The following ANKFY1 variants were observed in gnomAD, a reference collection of about 807,000 sequenced individuals.
ANKFY1 encodes ankyrin repeat and FYVE domain-containing protein 1.
A neutral mutation model predicts 128.3 loss-of-function variants in ANKFY1; 47 were observed. That is an observed-to-expected ratio of 0.37 (90% CI 0.29 to 0.47). The LOEUF is 0.47. Among genes scored for constraint, ANKFY1 ranks in the 20% least tolerant of loss-of-function variants. ANKFY1 has a pLI of 1.00. For synonymous variants in ANKFY1, 553 were observed against 601.6 expected (o/e 0.92, Z 1.18); for missense variants, 1,222 against 1,510.6 (o/e 0.81, Z 3.17).
At position 4,170,726 on chromosome 17, in the gene ANKFY1, A is replaced by C. The variant is rs764229912; in HGVS notation, c.3275T>G (p.Phe1092Cys). Residue 1092 changes from phenylalanine (F) to cysteine (C), a missense_variant, in exon 23 of 25, where the codon TTC becomes TGC. Physicochemically the swap from Phe to Cys is radical, Grantham distance 205. Transcript: ENST00000341657. ...NYQVATKQLL[F>C]RLLDMLSKEP... Reference sequence around the variant, plus strand: ...AGCGGGCCACTCACCCAGCAGTCGGAACAGGAGCTGCTTGGTGGCGACCTG... The same window carrying C: ...AGCGGGCCACTCACCCAGCAGTCGGCACAGGAGCTGCTTGGTGGCGACCTG... 6.2e-7 allele frequency: 1 copy of C among 1,611,486 alleles called. No individual in the cohort carries two copies. Among genetic ancestry groups the C allele is most frequent in the African/African-American group, 1.3e-5 (1 of 74,910 alleles).
At chr17:4,251,805 T>C (rs940616516) in intron 1 of ANKFY1, among the ~76,000 whole-genome samples, 3 of 151,746 alleles carry the variant, frequency 2.0e-5, no homozygotes, top group Non-Finnish European at 4.4e-5. Context: ...GAGGCCAAGG[T>C]GGATGGATCA....
At chr17:4,221,619 G>GT (rs753917439) in intron 3 of ANKFY1, among the ~76,000 whole-genome samples, 8 of 152,006 alleles carry the variant, frequency 5.3e-5, no homozygotes, top group Non-Finnish European at 8.8e-5. Flanking sequence ...GTTTCCAACT[G>GT]TTTTTTTCTT....
At chr17:4,223,065 T>C in intron 3 of ANKFY1, 1 of 732,714 alleles carries the variant, frequency 1.4e-6, no homozygotes, top group Non-Finnish European at 2.5e-6. Context: ...TGGGCATATT[T>C]TCCATGGGAT....
rs768825320 is a variant in ANKFY1, at chr17:4,167,774, G to A, written c.*5C>T. ...GGACGTGGCCTGGACCCTCCGGGGG[G>A]CTCACTAAGAAACCCCACCCAGAGT... On this transcript the variant is annotated 3_prime_UTR_variant, in exon 25 of 25. Transcript: ENST00000341657. The surrounding 1 kb of genome is among the most constrained non-coding windows in gnomAD (Gnocchi z 4.1). 3.1e-6 allele frequency: 5 copies of A among 1,612,204 alleles called. No individual in the cohort carries two copies. The highest frequency in any genetic ancestry group is 2.2e-5 in the South Asian group (2 of 90,902).
intron 3 of ANKFY1, among the ~76,000 whole-genome samples, chr17:4,230,760 A>G (rs1773530251): frequency 6.6e-6 from 1 of 152,244 alleles, no homozygotes; most frequent in Admixed American, 6.5e-5. Flanking sequence ...ATTTAAAGAT[A>G]CCTTAGTAAG....
In ANKFY1 at chr17:4,207,951, C is replaced by G; in HGVS notation, c.714G>C (p.Leu238=). The change falls in exon 6 of 25, where the codon CTG becomes CTC. Residue 238 remains leucine, a synonymous_variant. Coordinates refer to ENST00000341657, the MANE Select transcript of ANKFY1 (RefSeq NM_001330063.2). ...ACAGTACCTGGGAATCCATTTCAAT[C>G]AGATACAGGAAGACCACGTCTTCTC... ...VEREDVVFLY[L]IEMDSQLPGK... 6.3e-7 allele frequency: 1 copy of G among 1,594,476 alleles called. No homozygotes were observed. The highest frequency in any genetic ancestry group is 8.5e-7 in the Non-Finnish European group (1 of 1,172,406).
Position 4,242,401 on chromosome 17 carries a change from A to G in ANKFY1, c.58T>C (p.Tyr20His). The G allele has an allele frequency of 1.9e-6, 3 of 1,587,492 alleles. No homozygotes were observed. The highest frequency in any genetic ancestry group is 2.6e-6 in the Non-Finnish European group (3 of 1,169,466). ...GCCAGCTTCTTCTGCAGCTTGACAT[A>G]CTCCTGCCGCAGAAGCATCAAGTGC... is the stretch of plus-strand genomic sequence containing the variant. ...EKHLMLLRQE[Y>H]VKLQKKLAET... The change falls in exon 2 of 25, where the codon TAT becomes CAT. Residue 20 changes from tyrosine (Y) to histidine (H), a missense_variant. Physicochemically the swap from Tyr to His is moderately conservative, Grantham distance 83. Transcript: ENST00000341657.
In ANKFY1 at chr17:4,170,880, C is replaced by T. The variant is rs201907808; in HGVS notation, c.3140-19G>A. The T allele has an allele frequency of 7.6e-5, 122 of 1,614,086 alleles. No individual in the cohort carries two copies. The African/African-American group carries it at 8.7e-4, about 11-fold the overall frequency. On this transcript the variant is annotated intron_variant, in intron 22 of 24. Coordinates refer to ENST00000341657, the MANE Select transcript of ANKFY1 (RefSeq NM_001330063.2). ...AGCAGCACTGGAAAACAAAAGCACG[C>T]GCAGGGCTACTTCCCACCCGGCCCA...
chr17:4,209,784 C>T (rs2060093498), intron 5 of ANKFY1, 40 bp downstream of exon 5: 1 of 1,569,838 alleles, frequency 6.4e-7, no homozygotes, highest in Non-Finnish European at 8.7e-7. Flanking sequence ...CTCCTGACTG[C>T]CAGCTAGAGT....
At chr17:4,260,060 G>A (rs1378928599) in intron 1 of ANKFY1, among the ~76,000 whole-genome samples, 2 of 152,146 alleles carry the variant, frequency 1.3e-5, no homozygotes, top group African/African-American at 4.8e-5. Context: ...AATGAAAGTA[G>A]GAAATAAGCT....
chr17:4,246,264 T>G (rs1172777707), intron 1 of ANKFY1, among the ~76,000 whole-genome samples: 1 of 152,208 alleles, frequency 6.6e-6, no homozygotes, highest in Non-Finnish European at 1.5e-5. Context: ...TATTTGTTTG[T>G]AGCATACTGG....
rs1259253428 is a variant in ANKFY1, at chr17:4,170,865, G to C, written c.3140-4C>G. 1.2e-6 allele frequency: 2 copies of C among 1,614,066 alleles called. No individual in the cohort carries two copies. The highest frequency in any genetic ancestry group is 1.7e-6 in the Non-Finnish European group (2 of 1,180,044). On this transcript the variant is annotated splice_region_variant and splice_polypyrimidine_tract_variant and intron_variant, in intron 22 of 24. Coordinates refer to ENST00000341657, the MANE Select transcript of ANKFY1 (RefSeq NM_001330063.2). ...TTCATGTATGCCAGGAGCAGCACTG[G>C]AAAACAAAAGCACGCGCAGGGCTAC... is the stretch of plus-strand genomic sequence containing the variant.
intron 14 of ANKFY1, 122 bp downstream of exon 14, chr17:4,183,276 C>G: frequency 1.7e-6 from 2 of 1,171,916 alleles, no homozygotes; most frequent in Non-Finnish European, 2.4e-6. Flanking sequence ...GTTTCTAGAG[C>G]TACTGTTTCC....
At chr17:4,222,349 ATTATT>A in intron 3 of ANKFY1, 1 of 766,884 alleles carries the variant, frequency 1.3e-6, no homozygotes, top group East Asian at 2.4e-5. Flanking sequence ...AAATGACCTT[ATTATT>A]CACTACGCTC....
chr17:4,187,253 C>T (rs867610087), intron 11 of ANKFY1: 2 of 398,984 alleles, frequency 5.0e-6, no homozygotes, highest in Non-Finnish European at 4.4e-6. Context: ...CTCAAGCATG[C>T]GTGTCACAGA....
intron 23 of ANKFY1, among the ~76,000 whole-genome samples, 194 bp downstream of exon 23, chr17:4,170,521 G>C (rs780359466): frequency 3.3e-5 from 5 of 152,184 alleles, no homozygotes; most frequent in Non-Finnish European, 7.4e-5. Flanking sequence ...TTTGAAAAGA[G>C]ACTGTTCACA....
At chr17:4,256,852 T>C (rs1216189581) in intron 1 of ANKFY1, among the ~76,000 whole-genome samples, 2 of 152,202 alleles carry the variant, frequency 1.3e-5, no homozygotes, top group Non-Finnish European at 2.9e-5. Flanking sequence ...CTGCCTCATG[T>C]TACAGTTGGT....
rs1265683728 is a variant in ANKFY1, at chr17:4,182,246, C to T, written c.2056G>A (p.Glu686Lys). 5 of 1,588,204 alleles carry T rather than the reference C, an allele frequency of 3.1e-6. No individual in the cohort carries two copies. The highest frequency in any genetic ancestry group is 4.3e-6 in the Non-Finnish European group (5 of 1,165,772). ...TRGADMSVPDEKGNPPLWLAL... is the reference protein window; with the variant it reads ...TRGADMSVPDKKGNPPLWLAL... ...AGCCACAGCGGGGGGTTCCCCTTCT[C>T]ATCTGGCACAGACATGTCAGCTCCT... Residue 686 changes from glutamate to lysine, a missense_variant, in exon 15 of 25, where the codon GAG (glutamate) becomes AAG (lysine). Glu to Lys is a moderately conservative substitution (Grantham distance 56, BLOSUM62 1). Transcript: ENST00000341657.
chr17:4,208,276 G>T (rs1225066976), intron 5 of ANKFY1, 194 bp from the exon 6 acceptor site: 5 of 504,572 alleles, frequency 9.9e-6, no homozygotes, highest in Admixed American at 8.3e-5. Context: ...AAATATTATG[G>T]CATAAAGAGA....
Sources: allele counts gnomAD v4.1 joint callset (sites outside exome capture counted in the v4.1 genomes callset), GRCh38; gene constraint gnomAD v4.1.1; non-coding constraint Gnocchi (gnomAD v3.1); transcripts MANE v1.5; gene names NCBI Gene and HGNC (gene_info 2026-07-23, HGNC 2026-07-21).